Variants in IGFBP5 observed in about 807,000 individuals in gnomAD.
IGFBP5 encodes the protein insulin-like growth factor-binding protein 5.
In IGFBP5, 12 loss-of-function variants were observed where a neutral mutation model predicts 28.0. That is an observed-to-expected ratio of 0.43 (90% CI 0.27 to 0.69). The LOEUF is 0.69. IGFBP5 is among the 30% of genes least tolerant of loss of function. IGFBP5 has a pLI of 0.20. For missense variants in IGFBP5, 344 were observed against 381.6 expected, an observed-to-expected ratio of 0.90 and a Z score of 0.82; for synonymous variants, 152 against 150.2, an observed-to-expected ratio of 1.01 and a Z score of -0.09.
chr2:216,694,694 C>T lies in IGFBP5; in HGVS notation c.82G>A (p.Glu28Lys). The T allele has an allele frequency of 1.3e-6, 2 of 1,512,076 alleles. No homozygotes were observed. The highest frequency in any genetic ancestry group is 1.8e-6 in the Non-Finnish European group (2 of 1,134,334). The allele number at this position is 1,512,076 out of a possible 1,614,324, so 93.7% of individuals were successfully genotyped here. A position where few individuals can be genotyped will look rare whatever the true frequency, so the allele number is the denominator to read the frequency against. Residue 28 changes from glutamate (E) to lysine (K), a missense_variant, in exon 1 of 4, where the codon GAG (glutamate) becomes AAG (lysine). Physicochemically the swap from Glu to Lys is moderately conservative, Grantham distance 56 (BLOSUM62 1). Around this residue, in one of 3 missense-constraint regions of IGFBP5, gnomAD observed 304 missense variants for 329.2 expected, o/e 0.92. Coordinates refer to ENST00000233813, the MANE Select transcript of IGFBP5 (RefSeq NM_000599.4). This position sits in a 1 kb window ranked among gnomAD's most constrained non-coding sequence, Gnocchi z 5.2. ...GAGAGGGCTTTCTCGTCGCAGGGCT[C>T]GCAGTGCACGAAGGAGCCCAGGCTC... is the stretch of plus-strand genomic sequence containing the variant. ...AQSLGSFVHC[E>K]PCDEKALSMC...
Position 216,694,479 on chromosome 2 carries a change from A to T in IGFBP5, c.297T>A (p.Val99=). ...PLHALLHGRG[V]CLNEKSYREQ... is the part of the protein sequence containing the mutation. ...CGCGGTAGCTCTTTTCGTTGAGGCA[A>T]ACCCCGCGGCCGTGCAGCAGGGCGT... Residue 99 remains valine (V), a synonymous_variant, in exon 1 of 4, where the codon GTT becomes GTA. Coordinates refer to ENST00000233813, the MANE Select transcript of IGFBP5 (RefSeq NM_000599.4). The surrounding 1 kb of genome is among the most constrained non-coding windows in gnomAD (Gnocchi z 5.2). 7 of 1,587,148 alleles carry T rather than the reference A, an allele frequency of 4.4e-6. No individual in the cohort carries two copies. The highest frequency in any genetic ancestry group is 4.3e-6 in the Non-Finnish European group (5 of 1,170,466).
At chr2:216,684,162 T>C (rs1210653841) in intron 1 of IGFBP5, among the ~76,000 whole-genome samples, 5 of 152,224 alleles carry the variant, frequency 3.3e-5, no homozygotes, top group African/African-American at 1.2e-4. Flanking sequence ...GCATGTACCC[T>C]GCCCAAGCTC....
intron 1 of IGFBP5, among the ~76,000 whole-genome samples, chr2:216,683,895 GC>G (rs1689007434): frequency 6.6e-6 from 1 of 152,052 alleles, no homozygotes. Flanking sequence ...AATGCCTCTG[GC>G]CCCTGCCACA....
rs1688901539 is a variant in IGFBP5, at chr2:216,676,594, C to A, written c.*157G>T. The A allele has an allele frequency of 1.2e-5, 6 of 498,620 alleles. No homozygotes were observed. The highest frequency in any genetic ancestry group is 2.0e-5 in the African/African-American group (1 of 49,732). 30.9% of individuals were successfully genotyped at this position (498,620 alleles called of 1,614,324 possible). A position where few individuals can be genotyped will look rare whatever the true frequency, so the allele number is the denominator to read the frequency against. ...TGCCATTTTCGAAGTTGAGCCCTTG[C>A]TAGAGATTCCGAGGTCCTCAGTTTC... is the stretch of plus-strand genomic sequence containing the variant. On this transcript the variant is annotated 3_prime_UTR_variant, in exon 4 of 4. Transcript: ENST00000233813.
rs1285680959 is a variant in IGFBP5 at position 216,675,398 on chromosome 2, T to C, written c.*1353A>G. 6.6e-6 allele frequency: 1 copy of C among 152,580 alleles called. No individual in the cohort carries two copies. The highest frequency in any genetic ancestry group is 1.5e-5 in the Non-Finnish European group (1 of 68,146). 9.5% of individuals were successfully genotyped at this position (152,580 alleles called of 1,614,324 possible). The stretch of plus-strand genomic sequence containing the variant: ...GTGGACCTGTTGGGCTCATGTGGTG[T>C]GGTGTCCGGAGACTGTGACTTCCTG... On this transcript the variant is annotated 3_prime_UTR_variant, in exon 4 of 4. Coordinates refer to ENST00000233813, the MANE Select transcript of IGFBP5 (RefSeq NM_000599.4).
At position 216,694,481 on chromosome 2, in the gene IGFBP5, C is replaced by T; in HGVS notation, c.295G>A (p.Val99Ile). The T allele has an allele frequency of 6.3e-7, 1 of 1,588,284 alleles. No homozygotes were observed. The highest frequency in any genetic ancestry group is 8.5e-7 in the Non-Finnish European group (1 of 1,170,952). ...PLHALLHGRG[V>I]CLNEKSYREQ... Reference sequence around the variant, plus strand: ...CGGTAGCTCTTTTCGTTGAGGCAAACCCCGCGGCCGTGCAGCAGGGCGTGC... The same window carrying T: ...CGGTAGCTCTTTTCGTTGAGGCAAATCCCGCGGCCGTGCAGCAGGGCGTGC... The change falls in exon 1 of 4, where the codon GTT (valine) becomes ATT (isoleucine). Residue 99 changes from valine (V) to isoleucine (I), a missense_variant. Coordinates refer to ENST00000233813, the MANE Select transcript of IGFBP5 (RefSeq NM_000599.4). The surrounding 1 kb of genome is among the most constrained non-coding windows in gnomAD (Gnocchi z 5.2).
intron 1 of IGFBP5, among the ~76,000 whole-genome samples, chr2:216,690,661 G>A (rs1265253127): frequency 1.3e-5 from 2 of 150,892 alleles, no homozygotes; most frequent in African/African-American, 2.4e-5. Context: ...CCCAAGCCCC[G>A]GGACTAACTC....
chr2:216,674,206 A>G lies in IGFBP5; in HGVS notation c.*2545T>C, dbSNP rs1444168657. 6.5e-6 allele frequency: 1 copy of G among 153,090 alleles called. No individual in the cohort carries two copies. The highest frequency in any genetic ancestry group is 1.5e-5 in the Non-Finnish European group (1 of 68,104). The allele number at this position is 153,090 out of a possible 1,614,324, so 9.5% of individuals were successfully genotyped here. A position where few individuals can be genotyped will look rare whatever the true frequency, so the allele number is the denominator to read the frequency against. ...CAGATCCTAGTTGGATAACTGCTCA[A>G]GATGCAAAGGGAGAATGGGTGGAAA... On this transcript the variant is annotated 3_prime_UTR_variant, in exon 4 of 4. Transcript: ENST00000233813. This position sits in a 1 kb window ranked among gnomAD's most constrained non-coding sequence, Gnocchi z 4.4.
At position 216,694,702 on chromosome 2, in the gene IGFBP5, A is replaced by C. The variant is rs1689146656; in HGVS notation, c.74T>G (p.Val25Gly). Residue 25 changes from valine (V) to glycine (G), a missense_variant, in exon 1 of 4, where the codon GTG becomes GGG. Val to Gly is a moderately radical substitution (Grantham distance 109). This residue lies in a region of IGFBP5 where 304 missense variants were observed against 329.2 expected (regional missense o/e 0.92). Transcript: ENST00000233813. This position sits in a 1 kb window ranked among gnomAD's most constrained non-coding sequence, Gnocchi z 5.2. ...TTTCTCGTCGCAGGGCTCGCAGTGC[A>C]CGAAGGAGCCCAGGCTCTGGGCCGG... is the stretch of plus-strand genomic sequence containing the variant. ...AGPAQSLGSF[V>G]HCEPCDEKAL... 6.7e-7 allele frequency: 1 copy of C among 1,501,550 alleles called. No individual in the cohort carries two copies. 93.0% of individuals were successfully genotyped at this position (1,501,550 alleles called of 1,614,324 possible). A position where few individuals can be genotyped will look rare whatever the true frequency, so the allele number is the denominator to read the frequency against.
At chr2:216,693,576 A>G (rs1249319237) in intron 1 of IGFBP5, among the ~76,000 whole-genome samples, 3 of 151,908 alleles carry the variant, frequency 2.0e-5, no homozygotes, top group Admixed American at 6.5e-5. Context: ...CCCTATGTCC[A>G]CCTTTCATCC....
At chr2:216,684,613 G>A (rs1689014200) in intron 1 of IGFBP5, among the ~76,000 whole-genome samples, 1 of 152,204 alleles carries the variant, frequency 6.6e-6, no homozygotes, top group Admixed American at 6.5e-5. Context: ...GAAAAAGGGA[G>A]CTGAATTTGT....
At chr2:216,691,220 T>C (rs1227809404) in intron 1 of IGFBP5, among the ~76,000 whole-genome samples, 1 of 152,222 alleles carries the variant, frequency 6.6e-6, no homozygotes, top group East Asian at 1.9e-4. Flanking sequence ...ATTTAGGTAA[T>C]GCTTTTGCTT....
chr2:216,687,412 G>T (rs548657545), intron 1 of IGFBP5, among the ~76,000 whole-genome samples: 41 of 152,308 alleles, frequency 2.7e-4, no homozygotes, highest in Middle Eastern at 3.4e-3. Flanking sequence ...CAGAGTAAGG[G>T]GCTGAGGTCC....
intron 1 of IGFBP5, among the ~76,000 whole-genome samples, chr2:216,685,698 A>G (rs1306717386): frequency 6.6e-6 from 1 of 152,176 alleles, no homozygotes; most frequent in Admixed American, 6.5e-5. Flanking sequence ...TGGATGTCAA[A>G]TGGCTTTTCT....
Position 216,678,980 on chromosome 2 carries a change from T to G in IGFBP5, c.437A>C (p.Glu146Ala). ...CTTCTTCACTGCTTCAGCCTTCAGCTCGGAGATGCGGGTGTGTTTGGGCCG... is the reference window on the plus strand; with the variant it reads ...CTTCTTCACTGCTTCAGCCTTCAGCGCGGAGATGCGGGTGTGTTTGGGCCG... The part of the protein sequence containing the change: ...IFRPKHTRIS[E>A]LKAEAVKKDR... The change falls in exon 2 of 4, where the codon GAG becomes GCG. Residue 146 changes from glutamate to alanine, a missense_variant. Glu to Ala is a moderately radical substitution (Grantham distance 107, BLOSUM62 -1). This residue lies in a region of IGFBP5 where 304 missense variants were observed against 329.2 expected (regional missense o/e 0.92). Transcript: ENST00000233813. 15 of 1,614,112 alleles carry G rather than the reference T, an allele frequency of 9.3e-6. No individual in the cohort carries two copies. The highest frequency in any genetic ancestry group is 1.3e-5 in the Non-Finnish European group (15 of 1,180,024).
chr2:216,690,022 AGAAAT>A, intron 1 of IGFBP5, among the ~76,000 whole-genome samples: 1 of 151,944 alleles, frequency 6.6e-6, no homozygotes, highest in East Asian at 1.9e-4. Flanking sequence ...ATTTATGGAA[AGAAAT>A]GAAACTGGAA....
rs778168361 is a variant in IGFBP5 at position 216,678,919 on chromosome 2, G to A, written c.498C>T (p.Val166=). The A allele has an allele frequency of 6.2e-6, 10 of 1,614,072 alleles. No homozygotes were observed. The highest frequency in any genetic ancestry group is 1.6e-4 in the Middle Eastern group (1 of 6,084). ...RRKKLTQSKF[V]GGAENTAHPR... is the part of the protein sequence containing the mutation. Reference sequence around the variant, plus strand: ...GGTGGGCAGTGTTCTCGGCTCCCCCGACAAACTTGGACTGGGTCAGCTTCT... The same window carrying A: ...GGTGGGCAGTGTTCTCGGCTCCCCCAACAAACTTGGACTGGGTCAGCTTCT... Residue 166 remains valine, a synonymous_variant, in exon 2 of 4, where the codon GTC becomes GTT. Coordinates refer to ENST00000233813, the MANE Select transcript of IGFBP5 (RefSeq NM_000599.4).
At chr2:216,682,452 C>T (rs555502233) in intron 1 of IGFBP5, among the ~76,000 whole-genome samples, 33 of 152,260 alleles carry the variant, frequency 2.2e-4, no homozygotes, top group Admixed American at 1.8e-3. Context: ...TTAGATAAAA[C>T]AAGAAGGAAC....
At chr2:216,682,714 G>T (rs1306484742) in intron 1 of IGFBP5, among the ~76,000 whole-genome samples, 10 of 143,246 alleles carry the variant, frequency 7.0e-5, no homozygotes, top group South Asian at 2.3e-4. Flanking sequence ...AGCGTTTTTT[G>T]TTTTTTTTTT....
Sources: allele counts gnomAD v4.1 joint callset (sites outside exome capture counted in the v4.1 genomes callset), GRCh38; gene constraint gnomAD v4.1.1; regional missense constraint gnomAD v4.1.1; non-coding constraint Gnocchi (gnomAD v3.1); transcripts MANE v1.5; gene names NCBI Gene and HGNC (gene_info 2026-07-23, HGNC 2026-07-21).